MAGI1: variants seen among roughly 807,000 people sequenced by gnomAD.
MAGI1 encodes the protein membrane associated guanylate kinase, WW and PDZ domain containing 1, also known as membrane-associated guanylate kinase, WW and PDZ domain-containing protein 1.
A neutral mutation model predicts 139.9 loss-of-function variants in MAGI1; 58 were observed. The observed-to-expected ratio is 0.41, with a 90% CI of 0.34 to 0.52. The LOEUF (loss-of-function observed/expected upper bound fraction) is 0.52, where lower values mean the gene tolerates loss of function less well. Among genes scored for constraint, MAGI1 ranks in the 20% least tolerant of loss-of-function variants. MAGI1 has a pLI of 0.12. For missense variants in MAGI1, 1,874 were observed against 1,901.6 expected, an observed-to-expected ratio of 0.99 and a Z score of 0.27; for synonymous variants, 812 against 737.9, an observed-to-expected ratio of 1.10 and a Z score of -1.63.
chr3:65,921,919 G>GACACACACACACACACACACAC (rs35532734), intron 1 of MAGI1, among the ~76,000 whole-genome samples: 2 of 140,744 alleles, frequency 1.4e-5, no homozygotes, highest in African/African-American at 5.3e-5. Flanking sequence ...CCACACACAC[G>GACACACACACACACACACACAC]ACACACACAC....
At chr3:65,768,139 G>A (rs536767522) in intron 1 of MAGI1, among the ~76,000 whole-genome samples, 9 of 152,210 alleles carry the variant, frequency 5.9e-5, no homozygotes, top group Non-Finnish European at 4.4e-5. Flanking sequence ...ACTTAAGCAG[G>A]CTGGGTGTGG....
intron 1 of MAGI1, among the ~76,000 whole-genome samples, chr3:65,879,574 G>A (rs1203617880): frequency 6.6e-6 from 1 of 152,070 alleles, no homozygotes; most frequent in Non-Finnish European, 1.5e-5. Flanking sequence ...CTATGTGCTG[G>A]CTGTGTGTTC....
chr3:65,684,008 A>T (rs908426751), intron 1 of MAGI1, among the ~76,000 whole-genome samples: 6 of 151,264 alleles, frequency 4.0e-5, no homozygotes, highest in African/African-American at 1.5e-4. Context: ...CTACAAAAAA[A>T]AAAAAAAAAA....
intron 22 of MAGI1, chr3:65,360,812 C>T: frequency 2.8e-6 from 3 of 1,057,020 alleles, no homozygotes; most frequent in Non-Finnish European, 3.4e-6. Context: ...TGTGCCTCAA[C>T]ATATCACTCA....
intron 1 of MAGI1, among the ~76,000 whole-genome samples, chr3:65,781,675 A>G (rs2038945319): frequency 6.6e-6 from 1 of 152,246 alleles, no homozygotes; most frequent in East Asian, 1.9e-4. Context: ...TTCAGTTTTC[A>G]TCTCATGGCT....
intron 1 of MAGI1, among the ~76,000 whole-genome samples, chr3:66,021,660 G>A (rs1454810731): frequency 6.6e-6 from 1 of 152,068 alleles, no homozygotes; most frequent in Non-Finnish European, 1.5e-5. Flanking sequence ...CACACCCCCA[G>A]GATTCTGATC....
chr3:65,616,263 C>T (rs975757114), intron 2 of MAGI1, among the ~76,000 whole-genome samples: 6 of 151,924 alleles, frequency 3.9e-5, no homozygotes, highest in African/African-American at 9.7e-5. Flanking sequence ...GGGAGGAGTC[C>T]CCGTATCACA....
intron 1 of MAGI1, among the ~76,000 whole-genome samples, chr3:65,640,118 C>G (rs1289901574): frequency 6.6e-6 from 1 of 152,020 alleles, no homozygotes; most frequent in Non-Finnish European, 1.5e-5. Flanking sequence ...ACTGGGAGTA[C>G]CATCAGCTCC....
intron 1 of MAGI1, among the ~76,000 whole-genome samples, chr3:66,011,943 A>T (rs1179622720): frequency 2.0e-5 from 3 of 152,060 alleles, no homozygotes; most frequent in Non-Finnish European, 4.4e-5. Context: ...ATGCAATTCT[A>T]GCGAAAAAAA....
chr3:65,612,775 T>C (rs1050387953), intron 2 of MAGI1, among the ~76,000 whole-genome samples: 1 of 152,184 alleles, frequency 6.6e-6, no homozygotes, highest in Non-Finnish European at 1.5e-5. Context: ...TCTCATTCTC[T>C]TGACTCAAAT....
intron 2 of MAGI1, among the ~76,000 whole-genome samples, chr3:65,577,676 C>T (rs1445130959): frequency 4.6e-5 from 7 of 152,122 alleles, no homozygotes; most frequent in South Asian, 4.1e-4. Flanking sequence ...AACAGTGCTA[C>T]GTTTCTCCAG....
chr3:65,928,558 A>G (rs977260341), intron 1 of MAGI1, among the ~76,000 whole-genome samples: 1 of 152,014 alleles, frequency 6.6e-6, no homozygotes, highest in African/African-American at 2.4e-5. Flanking sequence ...ATCTCTCAAC[A>G]TTGTCACGGT....
intron 13 of MAGI1, among the ~76,000 whole-genome samples, chr3:65,397,443 G>A (rs1944480122): frequency 6.6e-6 from 1 of 152,070 alleles, no homozygotes; most frequent in Non-Finnish European, 1.5e-5. Context: ...TAAAGAGGCT[G>A]TTGAAGAGAC....
intron 1 of MAGI1, among the ~76,000 whole-genome samples, chr3:65,818,893 C>T (rs774630980): frequency 2.0e-5 from 3 of 152,156 alleles, no homozygotes; most frequent in Non-Finnish European, 4.4e-5. Context: ...CACGGCTCAA[C>T]AAAAGATCAA....
chr3:65,455,891 T>C (rs1427436624), intron 5 of MAGI1, among the ~76,000 whole-genome samples: 1 of 152,244 alleles, frequency 6.6e-6, no homozygotes, highest in Admixed American at 6.5e-5. Flanking sequence ...CTGAGTAGTA[T>C]TCCATGGAAT....
intron 1 of MAGI1, among the ~76,000 whole-genome samples, chr3:65,828,344 A>G (rs2042342045): frequency 6.6e-6 from 1 of 152,224 alleles, no homozygotes; most frequent in African/African-American, 2.4e-5. Flanking sequence ...GAGAAGGTCT[A>G]TCCCACAATA....
At chr3:65,703,646 T>C (rs2107620326) in intron 1 of MAGI1, among the ~76,000 whole-genome samples, 1 of 152,282 alleles carries the variant, frequency 6.6e-6, no homozygotes, top group South Asian at 2.1e-4. Flanking sequence ...AAGGTCACAC[T>C]AATAGAAAGT....
rs568078086 is a variant in MAGI1, at chr3:65,634,243, T to C, written c.314-12155A>G. 1.6e-4 allele frequency among the ~76,000 whole-genome samples: 24 copies of C among 152,230 alleles called. No individual in the cohort carries two copies. The South Asian group carries it at 2.5e-3, about 16-fold the overall frequency. ...TAGGAAATGTTCACAATCAGAATGA[T>C]AATAAAGACAAACCAGGAAGCACCA... On this transcript the variant is annotated intron_variant, in intron 1 of 22. Coordinates refer to ENST00000402939, the MANE Select transcript of MAGI1 (RefSeq NM_001033057.2).
intron 1 of MAGI1, among the ~76,000 whole-genome samples, chr3:66,037,049 C>A (rs1435604340): frequency 2.0e-5 from 3 of 152,132 alleles, no homozygotes; most frequent in Non-Finnish European, 4.4e-5. Flanking sequence ...GGGTCATCCC[C>A]CCACTCCTTC....
Sources: gnomAD v4.1 joint callset for allele counts (sites outside exome capture counted in the v4.1 genomes callset) on GRCh38, gnomAD v4.1.1 for gene constraint, MANE v1.5 for transcripts, NCBI Gene and HGNC (gene_info 2026-07-23, HGNC 2026-07-21) for gene names.